Variants in WDR43 observed in about 807,000 individuals in gnomAD.
WDR43 encodes WD repeat-containing protein 43.
In WDR43, 13 loss-of-function variants were observed where a neutral mutation model predicts 91.4. That is an observed-to-expected ratio of 0.14 (90% confidence interval 0.09 to 0.23). The LOEUF is 0.23. WDR43 is among the 10% of genes least tolerant of loss of function. The pLI is 1.00. For missense variants in WDR43, 780 were observed against 809.4 expected, an observed-to-expected ratio of 0.96 and a Z score of 0.44; for synonymous variants, 331 against 287.9, an observed-to-expected ratio of 1.15 and a Z score of -1.51.
Position 28,932,911 on chromosome 2 carries a change from A to C in WDR43, c.1438-2610A>C, listed in dbSNP as rs1361026100. 3.3e-5 allele frequency among the ~76,000 whole-genome samples: 5 copies of C among 152,252 alleles called. 2 individuals carry two copies. Among genetic ancestry groups the C allele is most frequent in the Non-Finnish European group, 7.3e-5 (5 of 68,042 alleles). On this transcript the variant is annotated intron_variant, in intron 11 of 17. Transcript: ENST00000407426. Reference sequence around the variant, plus strand: ...AACAGTTCCATTTATAGTAGTACCAAAAAATACCTAGGGTATATCTAAAAC... The same window carrying C: ...AACAGTTCCATTTATAGTAGTACCACAAAATACCTAGGGTATATCTAAAAC...
chr2:28,936,239 A>T (rs900832156), intron 12 of WDR43, among the ~76,000 whole-genome samples: 1 of 152,132 alleles, frequency 6.6e-6, no homozygotes, highest in African/African-American at 2.4e-5. Context: ...GCCCTACAAG[A>T]GTGGGTATAA....
intron 5 of WDR43, among the ~76,000 whole-genome samples, chr2:28,914,626 A>G (rs1284650282): frequency 1.3e-5 from 2 of 151,864 alleles, no homozygotes; most frequent in African/African-American, 4.8e-5. Context: ...TCCCTTTGAA[A>G]CCTCTTTTAA....
chr2:28,930,482 T>C (rs996529098), intron 11 of WDR43, among the ~76,000 whole-genome samples: 2 of 152,226 alleles, frequency 1.3e-5, no homozygotes, highest in Admixed American at 1.3e-4. Context: ...AACCTATGAA[T>C]AGTGTGTCTC....
intron 14 of WDR43, among the ~76,000 whole-genome samples, chr2:28,941,047 C>T (rs539176485): frequency 6.6e-6 from 1 of 152,120 alleles, no homozygotes; most frequent in South Asian, 2.1e-4. Flanking sequence ...TGGGGCCTTA[C>T]AGTAAGGGTA....
chr2:28,916,689 A>G (rs911384915), intron 5 of WDR43, among the ~76,000 whole-genome samples: 1 of 152,124 alleles, frequency 6.6e-6, no homozygotes, highest in Non-Finnish European at 1.5e-5. Context: ...TATAATTGTT[A>G]AGTCCTATAA....
At chr2:28,919,416 C>T (rs529572985) in intron 6 of WDR43, among the ~76,000 whole-genome samples, 351 of 152,236 alleles carry the variant, frequency 2.3e-3, no homozygotes, top group African/African-American at 7.8e-3. Flanking sequence ...CACCTGTAAT[C>T]CCAGCACTTT....
At chr2:28,897,140 AG>A (rs1392084967) in intron 1 of WDR43, among the ~76,000 whole-genome samples, 1 of 152,218 alleles carries the variant, frequency 6.6e-6, no homozygotes, top group Non-Finnish European at 1.5e-5. Context: ...GAAGGAATGT[AG>A]AGACATTCCC....
chr2:28,913,780 A>C, intron 4 of WDR43: 1 of 591,702 alleles, frequency 1.7e-6, no homozygotes, highest in Non-Finnish European at 3.2e-6. Context: ...GGATAGAATT[A>C]AGTGAATCTT....
chr2:28,909,757 C>T (rs1670753885), intron 3 of WDR43, among the ~76,000 whole-genome samples: 1 of 152,054 alleles, frequency 6.6e-6, no homozygotes, highest in African/African-American at 2.4e-5. Flanking sequence ...ACCTGTAGTC[C>T]CAGCCACCTG....
intron 3 of WDR43, 111 bp from the exon 4 acceptor site, chr2:28,912,479 A>T: frequency 7.5e-7 from 1 of 1,327,618 alleles, no homozygotes; most frequent in Non-Finnish European, 1.0e-6. Context: ...TTGTCACAGG[A>T]CCTGAGGCGA....
intron 15 of WDR43, 22 bp from the exon 16 acceptor site, chr2:28,942,290 A>G (rs1163672256): frequency 6.2e-7 from 1 of 1,609,014 alleles, no homozygotes; most frequent in Non-Finnish European, 8.5e-7. Context: ...CTACTTCAGA[A>G]CAGTACTTTA....
At chr2:28,909,628 T>A (rs1405333395) in intron 3 of WDR43, among the ~76,000 whole-genome samples, 2 of 152,120 alleles carry the variant, frequency 1.3e-5, no homozygotes, top group Non-Finnish European at 2.9e-5. Flanking sequence ...ATCTCAGCAC[T>A]TTGGAAGGCT....
At chr2:28,931,003 A>G (rs1192539541) in intron 11 of WDR43, among the ~76,000 whole-genome samples, 2 of 152,090 alleles carry the variant, frequency 1.3e-5, no homozygotes, top group African/African-American at 2.4e-5. Context: ...TCAAAAAAGT[A>G]ATTCTTTAAA....
chr2:28,917,557 G>C (rs987761124), intron 5 of WDR43, among the ~76,000 whole-genome samples: 3 of 152,182 alleles, frequency 2.0e-5, no homozygotes, highest in African/African-American at 7.2e-5. Context: ...GACTAAGATT[G>C]ATTTCAAGAC....
intron 6 of WDR43, 46 bp from the exon 7 acceptor site, chr2:28,922,872 TG>T (rs1671061154): frequency 6.8e-7 from 1 of 1,474,788 alleles, no homozygotes; most frequent in African/African-American, 1.4e-5. Context: ...GATTGGGGAC[TG>T]GAGTATGTTA....
chr2:28,937,421 A>T (rs974617715), intron 13 of WDR43, among the ~76,000 whole-genome samples: 1 of 120,964 alleles, frequency 8.3e-6, no homozygotes, highest in East Asian at 1.9e-4. Context: ...TTTCTTTAAA[A>T]ATTTTTTTTC....
intron 11 of WDR43, chr2:28,930,232 TA>T: frequency 2.6e-6 from 1 of 383,498 alleles, no homozygotes. Context: ...AAACTTTGTA[TA>T]AAGGGAGGCA....
intron 3 of WDR43, among the ~76,000 whole-genome samples, chr2:28,908,521 G>A (rs1008502546): frequency 6.6e-6 from 1 of 152,156 alleles, no homozygotes; most frequent in East Asian, 1.9e-4. Flanking sequence ...CACAAAGATA[G>A]GTCCTTCACA....
chr2:28,912,427 G>A (rs1264976873), intron 3 of WDR43, among the ~76,000 whole-genome samples, 163 bp from the exon 4 acceptor site: 1 of 152,222 alleles, frequency 6.6e-6, no homozygotes, highest in Non-Finnish European at 1.5e-5. Context: ...ACAGTAGTAT[G>A]TCCAGGGTTA....
Sources: allele counts gnomAD v4.1 joint callset (sites outside exome capture counted in the v4.1 genomes callset), GRCh38; gene constraint gnomAD v4.1.1; transcripts MANE v1.5; gene names NCBI Gene and HGNC (gene_info 2026-07-23, HGNC 2026-07-21).